The following CFAP299 variants were observed in gnomAD, a reference collection of about 807,000 sequenced individuals.
The protein encoded by CFAP299 is cilia and flagella associated protein 299, also known as cilia- and flagella-associated protein 299.
In CFAP299, 21 loss-of-function variants were observed where a neutral mutation model predicts 27.0. That is an observed-to-expected ratio of 0.78 (90% CI 0.55 to 1.12). The LOEUF (loss-of-function observed/expected upper bound fraction) is 1.12. CFAP299 is among the 50% of genes most tolerant of loss of function. The pLI is 0.00. For missense variants in CFAP299, 310 were observed against 276.6 expected, an observed-to-expected ratio of 1.12 and a Z score of -0.86; for synonymous variants, 104 against 98.1, an observed-to-expected ratio of 1.06 and a Z score of -0.36.
intron 3 of CFAP299, among the ~76,000 whole-genome samples, chr4:80,785,112 G>C (rs1036861944): frequency 2.0e-5 from 3 of 149,826 alleles, no homozygotes; most frequent in Admixed American, 2.0e-4. Flanking sequence ...TCATTGCCAA[G>C]GTCAATGTCA....
At chr4:80,758,600 T>C (rs1725383645) in intron 3 of CFAP299, among the ~76,000 whole-genome samples, 1 of 152,216 alleles carries the variant, frequency 6.6e-6, no homozygotes, top group Non-Finnish European at 1.5e-5. Flanking sequence ...CTCTGTCTCC[T>C]GTTTCTATCA....
At chr4:80,821,942 A>C (rs1729730918) in intron 3 of CFAP299, among the ~76,000 whole-genome samples, 1 of 152,070 alleles carries the variant, frequency 6.6e-6, no homozygotes, top group South Asian at 2.1e-4. Flanking sequence ...GAAGTCTACC[A>C]TGGACTCTCC....
intron 3 of CFAP299, among the ~76,000 whole-genome samples, chr4:80,662,478 A>T (rs1226832201): frequency 2.0e-5 from 3 of 151,874 alleles, no homozygotes; most frequent in Non-Finnish European, 2.9e-5. Flanking sequence ...TGGATAGAGG[A>T]TAATAGGCAT....
At chr4:80,935,219 G>A (rs1386045672) in intron 4 of CFAP299, among the ~76,000 whole-genome samples, 1 of 151,780 alleles carries the variant, frequency 6.6e-6, no homozygotes, top group Non-Finnish European at 1.5e-5. Context: ...TCATATCATT[G>A]TGTCAGAAAC....
At chr4:80,694,418 TC>T (rs906851861) in intron 3 of CFAP299, among the ~76,000 whole-genome samples, 1 of 152,188 alleles carries the variant, frequency 6.6e-6, no homozygotes, top group African/African-American at 2.4e-5. Context: ...GGTAATGTTT[TC>T]TCAGTAAGAA....
intron 5 of CFAP299, among the ~76,000 whole-genome samples, chr4:80,956,751 T>G (rs937506053): frequency 2.0e-5 from 3 of 152,134 alleles, no homozygotes; most frequent in African/African-American, 7.2e-5. Flanking sequence ...CCCAATCTCC[T>G]TTTCTCTACA....
intron 2 of CFAP299, among the ~76,000 whole-genome samples, chr4:80,501,394 CATAT>C (rs570100494): frequency 6.8e-6 from 1 of 147,974 alleles, no homozygotes; most frequent in African/African-American, 2.5e-5. Context: ...TCTATATAAA[CATAT>C]AAATATGTAA....
intron 3 of CFAP299, among the ~76,000 whole-genome samples, chr4:80,827,813 A>G (rs1332986262): frequency 6.6e-6 from 1 of 152,044 alleles, no homozygotes; most frequent in Non-Finnish European, 1.5e-5. Flanking sequence ...TACAGGTTCC[A>G]CTAATATGTC....
intron 3 of CFAP299, among the ~76,000 whole-genome samples, chr4:80,586,514 A>AT (rs150626027): frequency 7.4e-4 from 112 of 152,210 alleles, no homozygotes; most frequent in African/African-American, 2.5e-3. Context: ...AACACTATAG[A>AT]TTTTTTTAGT....
In CFAP299 at chr4:80,933,976, T is replaced by C. The variant is rs532084696; in HGVS notation, c.477-10834T>C. ...CTTACAGCACTACATTGAATATAAATGGTGAGAGTAGGCATCCTTGTCTTG... is the reference window on the plus strand; with the variant it reads ...CTTACAGCACTACATTGAATATAAACGGTGAGAGTAGGCATCCTTGTCTTG... On this transcript the variant is annotated intron_variant, in intron 4 of 5. Coordinates refer to ENST00000358105, the MANE Select transcript of CFAP299 (RefSeq NM_152770.3). 1.8e-4 allele frequency among the ~76,000 whole-genome samples: 28 copies of C among 152,270 alleles called. No individual in the cohort carries two copies. The East Asian group carries it at 4.4e-3, about 24-fold the overall frequency.
chr4:80,904,828 T>C (rs2110198651), intron 4 of CFAP299, among the ~76,000 whole-genome samples: 1 of 152,326 alleles, frequency 6.6e-6, no homozygotes, highest in South Asian at 2.1e-4. Flanking sequence ...GTCAAACTGG[T>C]ATTTCTTCTC....
chr4:80,399,926 C>G (rs72659827), intron 2 of CFAP299, among the ~76,000 whole-genome samples: 31 of 152,132 alleles, frequency 2.0e-4, no homozygotes, highest in Middle Eastern at 3.4e-3. Flanking sequence ...AAACCAGAGG[C>G]GTTTTTTGCT....
At chr4:80,950,255 C>A (rs546905911) in intron 5 of CFAP299, among the ~76,000 whole-genome samples, 8 of 150,034 alleles carry the variant, frequency 5.3e-5, no homozygotes, top group Admixed American at 1.3e-4. Flanking sequence ...TTCCCTCCAC[C>A]CCCCCCCTTT....
chr4:80,663,374 G>A (rs1740967369), intron 3 of CFAP299, among the ~76,000 whole-genome samples: 2 of 152,208 alleles, frequency 1.3e-5, no homozygotes, highest in Middle Eastern at 3.4e-3. Flanking sequence ...TTATGAGTGA[G>A]AACATGTGGT....
At chr4:80,598,545 A>T (rs953411257) in intron 3 of CFAP299, among the ~76,000 whole-genome samples, 22 of 152,206 alleles carry the variant, frequency 1.4e-4, no homozygotes, top group Admixed American at 2.6e-4. Flanking sequence ...TGGTGTTTTC[A>T]TGTTATTCAG....
intron 3 of CFAP299, among the ~76,000 whole-genome samples, chr4:80,691,472 G>A (rs1366274807): frequency 6.6e-6 from 1 of 152,008 alleles, no homozygotes; most frequent in East Asian, 1.9e-4. Flanking sequence ...ATGCAGAAAA[G>A]GCCTTTGACA....
chr4:80,504,462 C>CATATATATATATGTATATATAT (rs1731899156), intron 2 of CFAP299, among the ~76,000 whole-genome samples: 1 of 37,760 alleles, frequency 2.6e-5, no homozygotes, highest in African/African-American at 8.7e-5. Context: ...TAAAATCTCA[C>CATATATATATATGTATATATAT]ATATATATAT....
rs565924759 is a variant in CFAP299 at position 80,562,297 on chromosome 4, G to A, written c.243-20796G>A. Among the ~76,000 whole-genome samples the A allele has an allele frequency of 4.6e-5, 7 of 151,976 alleles. No homozygotes were observed. In the South Asian group the frequency reaches 6.3e-4, roughly 14 times the overall value. ...CAACATGGCAGGAATAAGTCCTTAC[G>A]TATCAATAATAACATTGAGGCTGGG... On this transcript the variant is annotated intron_variant, in intron 2 of 5. Transcript: ENST00000358105.
intron 2 of CFAP299, among the ~76,000 whole-genome samples, chr4:80,377,221 A>G (rs1347930885): frequency 6.6e-6 from 1 of 151,868 alleles, no homozygotes; most frequent in Non-Finnish European, 1.5e-5. Flanking sequence ...TCTTTTCTAT[A>G]TTTTCTTTTA....
Sources: gnomAD v4.1 joint callset for allele counts (sites outside exome capture counted in the v4.1 genomes callset) on GRCh38, gnomAD v4.1.1 for gene constraint, MANE v1.5 for transcripts, NCBI Gene and HGNC (gene_info 2026-07-23, HGNC 2026-07-21) for gene names.